Variants in SH3RF2 observed in about 807,000 individuals in gnomAD.
SH3RF2 encodes SH3 domain containing ring finger 2.
In SH3RF2, 43 loss-of-function variants were observed where a neutral mutation model predicts 59.0. That is an observed-to-expected ratio of 0.73 (90% CI 0.57 to 0.94). The LOEUF (loss-of-function observed/expected upper bound fraction) is 0.94. Among genes scored for constraint, SH3RF2 ranks in the 40% least tolerant of loss-of-function variants. The pLI, the probability that SH3RF2 is intolerant of heterozygous loss-of-function variation, is 0.00. For synonymous variants in SH3RF2, 391 were observed against 391.5 expected, an observed-to-expected ratio of 1.00 and a Z score of 0.01; for missense variants, 930 against 940.1, an observed-to-expected ratio of 0.99 and a Z score of 0.14.
chr5:146,058,456 G>A (rs996444846), intron 8 of SH3RF2, among the ~76,000 whole-genome samples: 2 of 149,370 alleles, frequency 1.3e-5, no homozygotes, highest in African/African-American at 4.9e-5. Flanking sequence ...TGTGTAGATG[G>A]TGACTGTCTT....
At chr5:146,048,966 G>C (rs1225786190) in intron 6 of SH3RF2, 109 bp from the exon 7 acceptor site, 1 of 1,327,860 alleles carries the variant, frequency 7.5e-7, no homozygotes, top group Non-Finnish European at 1.1e-6. Context: ...CGACCAAGAA[G>C]GTTCTTATTG....
chr5:145,962,253 G>A (rs573243847), intron 2 of SH3RF2, among the ~76,000 whole-genome samples: 22 of 152,270 alleles, frequency 1.4e-4, no homozygotes, highest in African/African-American at 4.8e-4. Context: ...CATGGCCTGA[G>A]CAAAACTACC....
chr5:146,032,020 G>T (rs920427330), intron 5 of SH3RF2, among the ~76,000 whole-genome samples: 1 of 152,198 alleles, frequency 6.6e-6, no homozygotes, highest in Non-Finnish European at 1.5e-5. Context: ...AGCCAGGTAG[G>T]AGGGCATGGA....
intron 2 of SH3RF2, among the ~76,000 whole-genome samples, chr5:145,960,081 G>T (rs958906581): frequency 6.6e-6 from 1 of 152,170 alleles, no homozygotes. Flanking sequence ...TAGAGACAGG[G>T]TCTCATTCTG....
intron 2 of SH3RF2, among the ~76,000 whole-genome samples, chr5:145,941,499 T>G (rs1042922110): frequency 1.3e-5 from 2 of 152,218 alleles, no homozygotes; most frequent in African/African-American, 4.8e-5. Flanking sequence ...CAAATTCCAC[T>G]GGTTCTTCTT....
At chr5:146,034,011 A>T (rs1204446365) in intron 5 of SH3RF2, among the ~76,000 whole-genome samples, 2 of 152,206 alleles carry the variant, frequency 1.3e-5, no homozygotes, top group Non-Finnish European at 2.9e-5. Context: ...CTCAACAAAC[A>T]TTTACTGACT....
At chr5:145,949,462 A>T (rs1319162635) in intron 2 of SH3RF2, among the ~76,000 whole-genome samples, 1 of 152,244 alleles carries the variant, frequency 6.6e-6, no homozygotes, top group African/African-American at 2.4e-5. Context: ...GAGAAAGGCA[A>T]AGTGGCAGTA....
chr5:146,017,461 A>G (rs1761147726), intron 5 of SH3RF2, among the ~76,000 whole-genome samples: 1 of 152,024 alleles, frequency 6.6e-6, no homozygotes, highest in African/African-American at 2.4e-5. Context: ...TCCCACACTC[A>G]CAGAGCAGTG....
At position 146,014,071 on chromosome 5, in the gene SH3RF2, A is replaced by G. The variant is rs776550346; in HGVS notation, c.1059+10A>G. The G allele has an allele frequency of 3.1e-6, 5 of 1,611,608 alleles. No individual in the cohort carries two copies. The South Asian group carries it at 5.5e-5, about 18-fold the overall frequency. On this transcript the variant is annotated intron_variant, in intron 5 of 9. Transcript: ENST00000359120. ...CAGCTGTGTGGGACAGGTAGGGAAG[A>G]AACGCCTGGGATGAGGGCACTTTGG... is the stretch of plus-strand genomic sequence containing the variant.
At chr5:145,969,721 C>A (rs768559978) in intron 2 of SH3RF2, among the ~76,000 whole-genome samples, 2 of 150,268 alleles carry the variant, frequency 1.3e-5, no homozygotes, top group Non-Finnish European at 3.0e-5. Context: ...GATGACAGAG[C>A]GAGACACTCT....
chr5:146,058,902 A>G (rs1034203984), intron 8 of SH3RF2, among the ~76,000 whole-genome samples: 1 of 152,008 alleles, frequency 6.6e-6, no homozygotes, highest in Non-Finnish European at 1.5e-5. Flanking sequence ...AAGAAAAACA[A>G]TGAGCTCAGG....
chr5:146,020,022 T>C (rs1761251814), intron 5 of SH3RF2, among the ~76,000 whole-genome samples: 1 of 152,146 alleles, frequency 6.6e-6, no homozygotes, highest in Admixed American at 6.5e-5. Flanking sequence ...CTTTAGGGTT[T>C]TCTAGGTATA....
intron 2 of SH3RF2, among the ~76,000 whole-genome samples, chr5:145,969,922 A>G (rs1378777999): frequency 3.3e-5 from 5 of 151,912 alleles, no homozygotes; most frequent in African/African-American, 4.8e-5. Context: ...ACATGAGTAC[A>G]TTTTCCCTGG....
chr5:146,009,001 G>A (rs1479474474), intron 4 of SH3RF2, among the ~76,000 whole-genome samples: 1 of 152,194 alleles, frequency 6.6e-6, no homozygotes, highest in Non-Finnish European at 1.5e-5. Flanking sequence ...CCATTGTATA[G>A]ATGTGCCAGA....
intron 2 of SH3RF2, among the ~76,000 whole-genome samples, chr5:145,946,981 C>T (rs937703435): frequency 1.3e-5 from 2 of 152,030 alleles, no homozygotes; most frequent in Non-Finnish European, 2.9e-5. Flanking sequence ...TGGTAAAATA[C>T]ACATAACATA....
chr5:146,036,280 C>T (rs6858982), intron 5 of SH3RF2, among the ~76,000 whole-genome samples: 50,400 of 152,144 alleles, frequency 0.33, 8,854 homozygotes, highest in Non-Finnish European at 0.39. Flanking sequence ...GGAGACCAGA[C>T]GCAGTGGCTC....
At chr5:146,010,417 T>C (rs1760832545) in intron 4 of SH3RF2, among the ~76,000 whole-genome samples, 1 of 152,204 alleles carries the variant, frequency 6.6e-6, no homozygotes, top group Non-Finnish European at 1.5e-5. Flanking sequence ...CTGGGTCAAA[T>C]GGTATTTCTA....
intron 2 of SH3RF2, among the ~76,000 whole-genome samples, chr5:145,992,674 T>A (rs767738532): frequency 6.6e-6 from 1 of 152,106 alleles, no homozygotes; most frequent in African/African-American, 2.4e-5. Flanking sequence ...GAACTCCTCT[T>A]TTTAAAACCA....
intron 2 of SH3RF2, among the ~76,000 whole-genome samples, chr5:145,971,084 T>C (rs1400192755): frequency 2.0e-5 from 3 of 152,196 alleles, no homozygotes; most frequent in Non-Finnish European, 4.4e-5. Flanking sequence ...TCTTCCCTGA[T>C]CAGGGCTCCA....
Sources: gnomAD v4.1 joint callset for allele counts (sites outside exome capture counted in the v4.1 genomes callset) on GRCh38, gnomAD v4.1.1 for gene constraint, MANE v1.5 for transcripts, NCBI Gene and HGNC (gene_info 2026-07-23, HGNC 2026-07-21) for gene names.